The following GLDC variants were observed in gnomAD, a reference collection of about 807,000 sequenced individuals.
GLDC encodes the protein glycine dehydrogenase (decarboxylating), mitochondrial.
In GLDC, 104 loss-of-function variants were observed where a neutral mutation model predicts 121.3. That is an observed-to-expected ratio of 0.86 (90% confidence interval 0.73 to 1.01). The LOEUF (loss-of-function observed/expected upper bound fraction) is 1.01, where lower values mean the gene tolerates loss of function less well. GLDC is among the 50% of genes least tolerant of loss of function. The pLI, the probability that GLDC is intolerant of heterozygous loss-of-function variation, is 0.00. For missense variants in GLDC, 1,429 were observed against 1,306.6 expected, an observed-to-expected ratio of 1.09 and a Z score of -1.44; for synonymous variants, 546 against 480.6, an observed-to-expected ratio of 1.14 and a Z score of -1.78.
At chr9:6,645,022 C>T (rs1481012690) in intron 1 of GLDC, among the ~76,000 whole-genome samples, 1 of 152,198 alleles carries the variant, frequency 6.6e-6, no homozygotes, top group East Asian at 1.9e-4. Flanking sequence ...AAAATGTACA[C>T]TTTTGAGGCA....
At position 6,538,405 on chromosome 9, in the gene GLDC, C is replaced by T. The variant is rs112112569; in HGVS notation, c.2665+1646G>A. Among the ~76,000 whole-genome samples the T allele has an allele frequency of 9.8e-3, 1,492 of 152,332 alleles. 22 individuals carry two copies. Among genetic ancestry groups the T allele is most frequent in the African/African-American group, 0.034 (1,421 of 41,580 alleles). On this transcript the variant is annotated intron_variant, in intron 22 of 24. Transcript: ENST00000321612. ...CCCCAAAATTGCCTGAAAAGACTCACACAGAAGCTGCGTGTTAAATATACA... is the reference window on the plus strand; with the variant it reads ...CCCCAAAATTGCCTGAAAAGACTCATACAGAAGCTGCGTGTTAAATATACA...
intron 2 of GLDC, among the ~76,000 whole-genome samples, chr9:6,622,114 T>G (rs1426191946): frequency 1.3e-5 from 2 of 151,836 alleles, no homozygotes; most frequent in African/African-American, 4.8e-5. Flanking sequence ...TGCATCAATC[T>G]TTATCCTCAA....
intron 3 of GLDC, among the ~76,000 whole-genome samples, chr9:6,611,019 T>G (rs1375831697): frequency 6.6e-6 from 1 of 152,196 alleles, no homozygotes; most frequent in Non-Finnish European, 1.5e-5. Flanking sequence ...TACTCAAACA[T>G]TTTATTTATT....
intron 24 of GLDC, among the ~76,000 whole-genome samples, chr9:6,533,810 A>C (rs1168113449): frequency 6.6e-6 from 1 of 151,446 alleles, no homozygotes; most frequent in Non-Finnish European, 1.5e-5. Context: ...GTGAGCCGAG[A>C]TGGTGCCATT....
chr9:6,594,803 A>AAAAGAAAGAAAGAAAGAAAGAAAGAAAG (rs78626191), intron 9 of GLDC, among the ~76,000 whole-genome samples: 7 of 150,028 alleles, frequency 4.7e-5, no homozygotes, highest in South Asian at 4.2e-4. Context: ...AAAAGGAAAT[A>AAAAGAAAGAAAGAAAGAAAGAAAGAAAG]AAAGAAAGAA....
chr9:6,549,291 G>T (rs938503406), intron 21 of GLDC, among the ~76,000 whole-genome samples: 1 of 149,280 alleles, frequency 6.7e-6, no homozygotes, highest in African/African-American at 2.4e-5. Context: ...CTCTCTCCTG[G>T]ACCCTGGAGT....
At chr9:6,552,934 C>CCG (rs1357049252) in intron 20 of GLDC, among the ~76,000 whole-genome samples, 1 of 151,864 alleles carries the variant, frequency 6.6e-6, no homozygotes, top group Admixed American at 6.6e-5. Context: ...CTCTGGCCCC[C>CCG]CCCAAGAAAT....
intron 19 of GLDC, 70 bp from the exon 20 acceptor site, chr9:6,553,579 G>A: frequency 6.7e-7 from 1 of 1,481,484 alleles, no homozygotes; most frequent in Non-Finnish European, 9.4e-7. Context: ...AAGGTTCTGG[G>A]CCCTCCCAGA....
At chr9:6,595,913 T>G (rs1268315140) in intron 8 of GLDC, among the ~76,000 whole-genome samples, 1 of 152,164 alleles carries the variant, frequency 6.6e-6, no homozygotes, top group African/African-American at 2.4e-5. Flanking sequence ...GAAGTCTCTA[T>G]GGAGCCAATG....
chr9:6,618,568 A>C (rs1421677684), intron 3 of GLDC, among the ~76,000 whole-genome samples: 7 of 152,096 alleles, frequency 4.6e-5, no homozygotes, highest in African/African-American at 1.7e-4. Context: ...CAACCTCCCA[A>C]AGTGCTGGGA....
At chr9:6,600,145 C>T (rs1818575685) in intron 8 of GLDC, among the ~76,000 whole-genome samples, 1 of 152,168 alleles carries the variant, frequency 6.6e-6, no homozygotes. Flanking sequence ...GATAGGATCA[C>T]TTGAGCTCAG....
chr9:6,586,523 C>G (rs1366684793), intron 15 of GLDC, among the ~76,000 whole-genome samples: 1 of 152,148 alleles, frequency 6.6e-6, no homozygotes, highest in Non-Finnish European at 1.5e-5. Context: ...AAGTTAGTGA[C>G]ATTACCAAAG....
rs970388208 is a variant in GLDC at position 6,554,707 on chromosome 9, G to A, written c.2277C>T (p.Pro759=). 1 of 1,612,656 alleles carries A rather than the reference G, an allele frequency of 6.2e-7. No homozygotes were observed. The highest frequency in any genetic ancestry group is 2.2e-5 in the East Asian group (1 of 44,884). ...CCATGCCAGGACCACCTCCTCCGTG[G>A]GGAATGCAGAAGGTCTTGTGAAGAT... ...HLNLHKTFCI[P]HGGGGPGMGP... The change falls in exon 19 of 25, where the codon CCC becomes CCT. Residue 759 remains proline (P), a synonymous_variant. Transcript: ENST00000321612.
Position 6,571,054 on chromosome 9 carries a change from A to G in GLDC, c.1851-5625T>C, listed in dbSNP as rs561306001. 1.3e-5 allele frequency among the ~76,000 whole-genome samples: 2 copies of G among 152,246 alleles called. 1 individual carries two copies. The highest frequency in any genetic ancestry group is 3.9e-4 in the East Asian group (2 of 5,190). ...TACAGCCCTTTGTACAAAATGTAAC[A>G]TTTAGAAGCTAAAATATACATCATC... On this transcript the variant is annotated intron_variant, in intron 15 of 24. Transcript: ENST00000321612.
In GLDC at chr9:6,587,173, T is replaced by C; in HGVS notation, c.1818A>G (p.Thr606=). The C allele has an allele frequency of 2.5e-6, 4 of 1,613,848 alleles. No homozygotes were observed. Among genetic ancestry groups the C allele is most frequent in the South Asian group, 1.1e-5 (1 of 91,074 alleles). Residue 606 remains threonine, a synonymous_variant, in exon 15 of 25, where the codon ACA becomes ACG. Coordinates refer to ENST00000321612, the MANE Select transcript of GLDC (RefSeq NM_000170.3). The part of the protein sequence containing the change: ...RELEKDLCEL[T]GYDQVCFQPN... The stretch of plus-strand genomic sequence containing the variant: ...GCTGGAAACAGACCTGGTCATAACC[T>C]GTGAGTTCACACAAATCCTTCTCAA...
intron 22 of GLDC, 90 bp downstream of exon 22, chr9:6,539,961 T>G (rs1320214002): frequency 1.2e-6 from 1 of 860,736 alleles, no homozygotes; most frequent in Non-Finnish European, 2.0e-6. Context: ...CCCAGATCAG[T>G]TTACTGTGGT....
intron 20 of GLDC, among the ~76,000 whole-genome samples, chr9:6,552,306 T>C (rs146280039): frequency 1.3e-3 from 192 of 152,334 alleles, no homozygotes; most frequent in African/African-American, 4.3e-3. Context: ...GGGGCATTTA[T>C]TTCCTATATG....
At chr9:6,545,606 T>C (rs935032399) in intron 21 of GLDC, among the ~76,000 whole-genome samples, 8 of 152,240 alleles carry the variant, frequency 5.3e-5, no homozygotes, top group Non-Finnish European at 8.8e-5. Context: ...TTAAAAAAAC[T>C]TTTTTCTTCA....
At chr9:6,625,544 C>G (rs1013236768) in intron 2 of GLDC, among the ~76,000 whole-genome samples, 1 of 152,124 alleles carries the variant, frequency 6.6e-6, no homozygotes. Context: ...TTCCTCATAC[C>G]CAGCCCCAGG....
Sources: allele counts gnomAD v4.1 joint callset (sites outside exome capture counted in the v4.1 genomes callset), GRCh38; gene constraint gnomAD v4.1.1; transcripts MANE v1.5; gene names NCBI Gene and HGNC (gene_info 2026-07-23, HGNC 2026-07-21).